NXPH1: variants seen among roughly 807,000 people sequenced by gnomAD.
NXPH1 encodes neurexophilin 1.
Under a neutral mutation model 23.7 loss-of-function variants are expected in NXPH1, and 5 were observed. That is an observed-to-expected ratio of 0.21 (90% CI 0.11 to 0.44). The LOEUF (loss-of-function observed/expected upper bound fraction) is 0.44. Among genes scored for constraint, NXPH1 ranks in the 20% least tolerant of loss-of-function variants. The pLI is 0.99. For missense variants in NXPH1, 324 were observed against 321.6 expected (o/e 1.01, Z -0.06); for synonymous variants, 144 against 122.2 (o/e 1.18, Z -1.18).
chr7:8,518,251 A>G (rs1351313253), intron 2 of NXPH1, among the ~76,000 whole-genome samples: 2 of 152,134 alleles, frequency 1.3e-5, no homozygotes, highest in Non-Finnish European at 2.9e-5. Flanking sequence ...CTTTTGCATT[A>G]TTCCTACCTG....
intron 2 of NXPH1, among the ~76,000 whole-genome samples, chr7:8,668,252 C>G (rs1433049368): frequency 4.4e-5 from 4 of 90,438 alleles, no homozygotes; most frequent in Non-Finnish European, 8.9e-5. Flanking sequence ...TGTTATGTCT[C>G]TTTGTTTTTT....
chr7:8,710,639 C>CGG (rs1313179712), intron 2 of NXPH1, among the ~76,000 whole-genome samples: 2 of 32,304 alleles, frequency 6.2e-5, no homozygotes, highest in Admixed American at 7.5e-4. Flanking sequence ...TCAACTGTTA[C>CGG]GTTTTTTGTT....
At chr7:8,710,241 G>T (rs760626333) in intron 2 of NXPH1, among the ~76,000 whole-genome samples, 2 of 152,120 alleles carry the variant, frequency 1.3e-5, no homozygotes, top group Non-Finnish European at 2.9e-5. Flanking sequence ...CAGAAAGGTT[G>T]GGCAGCTTCC....
intron 2 of NXPH1, among the ~76,000 whole-genome samples, chr7:8,497,594 G>A (rs1440153692): frequency 2.0e-5 from 3 of 152,080 alleles, no homozygotes; most frequent in African/African-American, 7.2e-5. Flanking sequence ...GTTTTGATTT[G>A]CATTTCTCTG....
intron 2 of NXPH1, among the ~76,000 whole-genome samples, chr7:8,591,812 T>C (rs1329249398): frequency 6.6e-6 from 1 of 151,642 alleles, no homozygotes; most frequent in Admixed American, 6.6e-5. Context: ...TTGCTGACTT[T>C]GGGTTGAAAG....
At chr7:8,471,707 G>T (rs1042323406) in intron 2 of NXPH1, among the ~76,000 whole-genome samples, 6 of 152,074 alleles carry the variant, frequency 3.9e-5, no homozygotes, top group African/African-American at 1.2e-4. Flanking sequence ...GGAGACTAGA[G>T]CAAAATCTTT....
At chr7:8,446,561 A>G (rs997225916) in intron 2 of NXPH1, among the ~76,000 whole-genome samples, 6 of 152,262 alleles carry the variant, frequency 3.9e-5, no homozygotes, top group African/African-American at 7.2e-5. Flanking sequence ...AGCATCAAAC[A>G]TAATAAAAAT....
chr7:8,483,016 C>G (rs765489917), intron 2 of NXPH1, among the ~76,000 whole-genome samples: 3 of 152,170 alleles, frequency 2.0e-5, no homozygotes, highest in African/African-American at 2.4e-5. Flanking sequence ...GGTGTGGATT[C>G]CTTTGCAAGC....
rs550692350 is a variant in NXPH1, at chr7:8,578,169, C to T, written c.54+142402C>T. Among the ~76,000 whole-genome samples, 360 of 152,302 alleles carry T rather than the reference C, an allele frequency of 2.4e-3. 1 individual carries two copies. The highest frequency in any genetic ancestry group is 3.1e-3 in the Non-Finnish European group (213 of 68,030). On this transcript the variant is annotated intron_variant, in intron 2 of 2. Coordinates refer to ENST00000405863, the MANE Select transcript of NXPH1 (RefSeq NM_152745.3). The stretch of plus-strand genomic sequence containing the variant: ...GTTCCTACCTGAAGGTATTATTCTC[C>T]CTTCTATAACGGAGGAGGGTAGCAT...
intron 2 of NXPH1, among the ~76,000 whole-genome samples, chr7:8,461,845 A>AAAAAAAAAAAAAAGAG (rs1816702409): frequency 6.7e-6 from 1 of 150,000 alleles, no homozygotes; most frequent in Non-Finnish European, 1.5e-5. Context: ...TCAAAAAAAA[A>AAAAAAAAAAAAAAGAG]AAAAAAGAAT....
intron 2 of NXPH1, among the ~76,000 whole-genome samples, chr7:8,647,435 G>A (rs1583213099): frequency 6.6e-6 from 1 of 152,240 alleles, no homozygotes; most frequent in East Asian, 1.9e-4. Context: ...GCATTTAACA[G>A]GAAGAAGACA....
At chr7:8,669,757 A>G (rs1820837597) in intron 2 of NXPH1, among the ~76,000 whole-genome samples, 1 of 152,112 alleles carries the variant, frequency 6.6e-6, no homozygotes, top group Non-Finnish European at 1.5e-5. Flanking sequence ...ATTTCTCCCC[A>G]TGCTGTGCTG....
At chr7:8,618,837 C>T (rs764661307) in intron 2 of NXPH1, among the ~76,000 whole-genome samples, 2 of 152,094 alleles carry the variant, frequency 1.3e-5, no homozygotes, top group African/African-American at 2.4e-5. Context: ...TGAATGTATG[C>T]TAAACACACT....
At chr7:8,639,220 C>T (rs1380519460) in intron 2 of NXPH1, among the ~76,000 whole-genome samples, 1 of 151,942 alleles carries the variant, frequency 6.6e-6, no homozygotes, top group Non-Finnish European at 1.5e-5. Context: ...TTCCTAATAC[C>T]ACATTATCAA....
At chr7:8,672,868 G>T (rs1038145102) in intron 2 of NXPH1, among the ~76,000 whole-genome samples, 2 of 152,166 alleles carry the variant, frequency 1.3e-5, no homozygotes, top group South Asian at 2.1e-4. Flanking sequence ...CTGAGCATCT[G>T]TTCTTTCCCC....
At chr7:8,678,497 C>T (rs943391676) in intron 2 of NXPH1, among the ~76,000 whole-genome samples, 6 of 152,074 alleles carry the variant, frequency 3.9e-5, no homozygotes, top group African/African-American at 7.2e-5. Context: ...TCCTAGCTTC[C>T]TCTGGTTGTT....
intron 2 of NXPH1, among the ~76,000 whole-genome samples, chr7:8,489,168 C>T (rs555492613): frequency 5.9e-5 from 9 of 152,154 alleles, no homozygotes; most frequent in East Asian, 3.9e-4. Context: ...ATAACAGCAA[C>T]GTCTGTCCCC....
intron 2 of NXPH1, among the ~76,000 whole-genome samples, chr7:8,586,227 A>G (rs746057657): frequency 2.0e-5 from 3 of 152,138 alleles, no homozygotes; most frequent in Non-Finnish European, 4.4e-5. Flanking sequence ...ATCCCAAAAC[A>G]CGCTGTTTGG....
Position 8,448,731 on chromosome 7 carries a change from C to T in NXPH1, c.54+12964C>T, listed in dbSNP as rs548017315. 2.7e-5 allele frequency among the ~76,000 whole-genome samples: 4 copies of T among 148,078 alleles called. No homozygotes were observed. In the South Asian group the frequency reaches 6.4e-4, roughly 24 times the overall value. On this transcript the variant is annotated intron_variant, in intron 2 of 2. Transcript: ENST00000405863. ...TTGGGAGGCTGAGGCAAGAGAATTGCTTGAACCTGGGAGGGGGAGGTTGCC... is the reference window on the plus strand; with the variant it reads ...TTGGGAGGCTGAGGCAAGAGAATTGTTTGAACCTGGGAGGGGGAGGTTGCC...
Sources: gnomAD v4.1 joint callset for allele counts (sites outside exome capture counted in the v4.1 genomes callset) on GRCh38, gnomAD v4.1.1 for gene constraint, MANE v1.5 for transcripts, NCBI Gene and HGNC (gene_info 2026-07-23, HGNC 2026-07-21) for gene names.